PIK3R1: variants seen among roughly 807,000 people sequenced by gnomAD.
The protein encoded by PIK3R1 is phosphoinositide-3-kinase regulatory subunit 1, also known as phosphatidylinositol 3-kinase regulatory subunit alpha.
Under a neutral mutation model 98.0 loss-of-function variants are expected in PIK3R1, and 29 were observed. The ratio of observed to expected loss-of-function variants is 0.30; its 90% CI spans 0.22 to 0.40. The LOEUF (loss-of-function observed/expected upper bound fraction) is 0.40. Ranked by LOEUF, PIK3R1 falls within the 10% of genes least tolerant of loss-of-function variation. PIK3R1 has a pLI of 1.00. For missense variants in PIK3R1, 596 were observed against 872.7 expected, an observed-to-expected ratio of 0.68 and a Z score of 3.99; for synonymous variants, 282 against 311.8, an observed-to-expected ratio of 0.90 and a Z score of 1.01.
At chr5:68,288,039 T>A (rs1747150157) in intron 7 of PIK3R1, among the ~76,000 whole-genome samples, 1 of 152,132 alleles carries the variant, frequency 6.6e-6, no homozygotes, top group South Asian at 2.1e-4. Flanking sequence ...TCTGGGTTGT[T>A]CCAAGAGGTT....
Position 68,279,680 on chromosome 5 carries a change from C to T in PIK3R1, c.581C>T (p.Pro194Leu). ...TTCAAACGCTATCTCCTGGACTTACCAAATCCTGTCATTCCAGCAGCCGTT... is the reference window on the plus strand; with the variant it reads ...TTCAAACGCTATCTCCTGGACTTACTAAATCCTGTCATTCCAGCAGCCGTT... ...DAFKRYLLDL[P>L]NPVIPAAVYS... Residue 194 changes from proline (P) to leucine (L), a missense_variant, in exon 5 of 16, where the codon CCA becomes CTA. Pro to Leu is a moderately conservative substitution (Grantham distance 98, BLOSUM62 -3). Around this residue, in one of 3 missense-constraint regions of PIK3R1, gnomAD observed 352 missense variants for 393.3 expected, o/e 0.90. Coordinates refer to ENST00000521381, the MANE Select transcript of PIK3R1 (RefSeq NM_181523.3). The T allele has an allele frequency of 6.2e-7, 1 of 1,614,118 alleles. No individual in the cohort carries two copies. Among genetic ancestry groups the T allele is most frequent in the South Asian group, 1.1e-5 (1 of 91,078 alleles).
In PIK3R1 at chr5:68,247,890, C is replaced by T. The variant is rs183334034; in HGVS notation, c.334+20881C>T. Among the ~76,000 whole-genome samples the T allele has an allele frequency of 5.5e-4, 83 of 152,216 alleles. 1 individual carries two copies. In the East Asian group the frequency reaches 0.014, roughly 25 times the overall value. ...ACCATACAAAGATAACTGCCCTAAA[C>T]GGCATCATTGCCCCAGAGTCATTGA... On this transcript the variant is annotated intron_variant, in intron 2 of 15. Transcript: ENST00000521381.
chr5:68,273,827 A>C (rs988319531), intron 3 of PIK3R1, 112 bp from the exon 4 acceptor site: 94 of 785,156 alleles, frequency 1.2e-4, no homozygotes, highest in Middle Eastern at 3.0e-4. Flanking sequence ...TATTTGGTAC[A>C]CATCTAGAAC....
In PIK3R1 at chr5:68,293,104, A is replaced by G. The variant is rs1312971794; in HGVS notation, c.1023A>G (p.Glu341=). ...AEWYWGDISR[E]EVNEKLRDTA... is the part of the protein sequence containing the mutation. ...TTGTTTTGTGTTTTCATTTCAGGGA[A>G]GAAGTGAATGAAAAACTTCGAGATA... The change falls in exon 9 of 16, where the codon GAA becomes GAG. Residue 341 remains glutamate, a synonymous_variant. Transcript: ENST00000521381. The G allele has an allele frequency of 6.2e-7, 1 of 1,609,360 alleles. No individual in the cohort carries two copies. The highest frequency in any genetic ancestry group is 8.5e-7 in the Non-Finnish European group (1 of 1,175,852).
intron 2 of PIK3R1, among the ~76,000 whole-genome samples, chr5:68,246,551 G>A (rs926512935): frequency 6.6e-6 from 1 of 152,124 alleles, no homozygotes; most frequent in Non-Finnish European, 1.5e-5. Flanking sequence ...GACCTCAAAC[G>A]GTCCATCCGC....
At position 68,297,664 on chromosome 5, in the gene PIK3R1, GGCTCCTCTCCAGTCTGATCTGTGAATTGA is replaced by G; in HGVS notation, c.*67_*95del. 1 of 1,364,118 alleles carries G rather than the reference GGCTCCTCTCCAGTCTGATCTGTGAATTGA, an allele frequency of 7.3e-7. No individual in the cohort carries two copies. The highest frequency in any genetic ancestry group is 1.4e-5 in the African/African-American group (1 of 69,356). The allele number at this position is 1,364,118 out of a possible 1,614,324, so 84.5% of individuals were successfully genotyped here. On this transcript the variant is annotated 3_prime_UTR_variant, in exon 16 of 16. Coordinates refer to ENST00000521381, the MANE Select transcript of PIK3R1 (RefSeq NM_181523.3). Reference sequence around the variant, plus strand: ...ACCCTGAGGCCTCTGGAAAGCAAAGGGCTCCTCTCCAGTCTGATCTGTGAATTGAGCTGCAGAAACGAAGCCATCTTTCT... The same window carrying G: ...ACCCTGAGGCCTCTGGAAAGCAAAGGGCTGCAGAAACGAAGCCATCTTTCT...
chr5:68,251,878 C>T (rs985288582), intron 2 of PIK3R1, among the ~76,000 whole-genome samples: 1 of 151,998 alleles, frequency 6.6e-6, no homozygotes, highest in Non-Finnish European at 1.5e-5. Context: ...GGCCCTCACC[C>T]GGTTGGGGGT....
intron 1 of PIK3R1, among the ~76,000 whole-genome samples, chr5:68,220,183 G>A (rs1160051427): frequency 6.6e-6 from 1 of 152,200 alleles, no homozygotes; most frequent in Non-Finnish European, 1.5e-5. Flanking sequence ...AGAGGTTTAA[G>A]TAACTTTCCT....
chr5:68,236,583 C>T (rs1189402465), intron 2 of PIK3R1, among the ~76,000 whole-genome samples: 2 of 152,116 alleles, frequency 1.3e-5, no homozygotes, highest in African/African-American at 4.8e-5. Context: ...AACTGAAGGT[C>T]ATGTGATTGT....
At chr5:68,227,518 G>A (rs1483448648) in intron 2 of PIK3R1, among the ~76,000 whole-genome samples, 1 of 152,104 alleles carries the variant, frequency 6.6e-6, no homozygotes, top group East Asian at 1.9e-4. Flanking sequence ...TTCAGATAAG[G>A]AATACTCAAC....
chr5:68,263,128 CATAG>C lies in PIK3R1; in HGVS notation c.335-10258_335-10255del, dbSNP rs1383576633. On this transcript the variant is annotated intron_variant, in intron 2 of 15. Coordinates refer to ENST00000521381, the MANE Select transcript of PIK3R1 (RefSeq NM_181523.3). Reference sequence around the variant, plus strand: ...AGATACATACATAGATATATAGATACATAGATACATATATATTTATATATGTACA... The same window carrying C: ...AGATACATACATAGATATATAGATACATACATATATATTTATATATGTACA... Among the ~76,000 whole-genome samples the C allele has an allele frequency of 1.5e-4, 12 of 81,210 alleles. 1 individual carries two copies. Among genetic ancestry groups the C allele is most frequent in the African/African-American group, 3.6e-4 (7 of 19,592 alleles). 53.3% of individuals were successfully genotyped at this position (81,210 alleles called of 152,430 possible). A position where few individuals can be genotyped will look rare whatever the true frequency, so the allele number is the denominator to read the frequency against.
At chr5:68,293,856 G>C (rs374017132) in intron 11 of PIK3R1, 22 bp downstream of exon 11, 18 of 1,528,962 alleles carry the variant, frequency 1.2e-5, no homozygotes, top group Non-Finnish European at 1.5e-5. Flanking sequence ...ATGAAAATCA[G>C]ATTAAAAAAT....
chr5:68,280,226 T>C, intron 5 of PIK3R1: 1 of 425,872 alleles, frequency 2.3e-6, no homozygotes, highest in Non-Finnish European at 4.2e-6. Context: ...GATGCTCCTC[T>C]GAGTTAGCCA....
intron 2 of PIK3R1, among the ~76,000 whole-genome samples, chr5:68,236,907 G>A (rs923923115): frequency 5.9e-5 from 9 of 152,334 alleles, no homozygotes; most frequent in African/African-American, 2.2e-4. Context: ...AGGCCATGAA[G>A]CTAAGACAAA....
rs71305021 is a variant in PIK3R1 at position 68,289,759 on chromosome 5, CAAAAAAA to C, written c.917-2479_917-2473del. 3.0e-3 allele frequency among the ~76,000 whole-genome samples: 157 copies of C among 51,882 alleles called. 3 individuals are homozygous for C. The highest frequency in any genetic ancestry group is 0.029 in the Admixed American group (108 of 3,772). The allele number at this position is 51,882 out of a possible 152,430, so 34.0% of individuals were successfully genotyped here. A position where few individuals can be genotyped will look rare whatever the true frequency, so the allele number is the denominator to read the frequency against. Reference sequence around the variant, plus strand: ...GGCATTTGAGATAGAGGGGGAAAAGCAAAAAAAAAAAAAAAAAAAAAAAAAAAGTGAT... The same window carrying C: ...GGCATTTGAGATAGAGGGGGAAAAGCAAAAAAAAAAAAAAAAAAAAGTGAT... On this transcript the variant is annotated intron_variant, in intron 7 of 15. Coordinates refer to ENST00000521381, the MANE Select transcript of PIK3R1 (RefSeq NM_181523.3).
chr5:68,261,949 C>T (rs77329778), intron 2 of PIK3R1, among the ~76,000 whole-genome samples: 283 of 152,184 alleles, frequency 1.9e-3, no homozygotes, highest in Non-Finnish European at 3.4e-3. Context: ...TAGGTTATTA[C>T]GGTTGTTAAG....
intron 2 of PIK3R1, among the ~76,000 whole-genome samples, chr5:68,262,975 A>G (rs1480243087): frequency 8.7e-5 from 2 of 22,880 alleles, no homozygotes; most frequent in African/African-American, 2.2e-4. Flanking sequence ...ATACATATAT[A>G]CATGTAGATA....
rs1026170598 is a variant in PIK3R1, at chr5:68,300,897, G to A, written c.*3296G>A. On this transcript the variant is annotated 3_prime_UTR_variant, in exon 16 of 16. Coordinates refer to ENST00000521381, the MANE Select transcript of PIK3R1 (RefSeq NM_181523.3). The stretch of plus-strand genomic sequence containing the variant: ...TTTTAGGGAGCTGGTCTGATGACTT[G>A]CTTAGCTTGGAAATCCTTGTTTTCA... 2 of 233,160 alleles carry A rather than the reference G, an allele frequency of 8.6e-6. No individual in the cohort carries two copies. Among genetic ancestry groups the A allele is most frequent in the Admixed American group, 1.1e-4 (2 of 17,784 alleles). 14.4% of individuals were successfully genotyped at this position (233,160 alleles called of 1,614,324 possible). A position where few individuals can be genotyped will look rare whatever the true frequency, so the allele number is the denominator to read the frequency against.
At chr5:68,265,626 C>T (rs780885990) in intron 2 of PIK3R1, among the ~76,000 whole-genome samples, 8 of 152,156 alleles carry the variant, frequency 5.3e-5, no homozygotes, top group Non-Finnish European at 7.3e-5. Flanking sequence ...ACTCAGCTGC[C>T]TCCCAAAGGC....
Sources: gnomAD v4.1 joint callset for allele counts (sites outside exome capture counted in the v4.1 genomes callset) on GRCh38, gnomAD v4.1.1 for gene constraint, gnomAD v4.1.1 regional missense constraint, MANE v1.5 for transcripts, NCBI Gene and HGNC (gene_info 2026-07-23, HGNC 2026-07-21) for gene names.